The following NRXN3 variants were observed in gnomAD, a reference collection of about 807,000 sequenced individuals.
NRXN3 encodes the protein neurexin III.
In NRXN3, 32 loss-of-function variants were observed where a neutral mutation model predicts 137.6. The ratio of observed to expected loss-of-function variants is 0.23; its 90% CI spans 0.18 to 0.31. The LOEUF (loss-of-function observed/expected upper bound fraction) is 0.31. Ranked by LOEUF, NRXN3 falls within the 10% of genes least tolerant of loss-of-function variation. The pLI is 1.00. For synonymous variants in NRXN3, 798 were observed against 784.5 expected (o/e 1.02, Z -0.29); for missense variants, 1,574 against 2,062.5 (o/e 0.76, Z 4.59).
chr14:79,110,762 T>TTTATTTA (rs56942111), intron 15 of NRXN3, among the ~76,000 whole-genome samples: 9 of 139,110 alleles, frequency 6.5e-5, no homozygotes, highest in African/African-American at 2.4e-4. Context: ...GAAATTATTA[T>TTTATTTA]TTTATTTATT....
intron 1 of NRXN3, among the ~76,000 whole-genome samples, chr14:78,216,175 A>G (rs1247431859): frequency 6.6e-6 from 1 of 151,096 alleles, no homozygotes. Flanking sequence ...TATAAAAGTA[A>G]TTATATTCAA....
At chr14:78,302,526 C>T (rs2076975696) in intron 4 of NRXN3, among the ~76,000 whole-genome samples, 1 of 152,196 alleles carries the variant, frequency 6.6e-6, no homozygotes, top group African/African-American at 2.4e-5. Flanking sequence ...TTCCCGGATA[C>T]AAGGGTGACC....
At chr14:78,650,858 G>A (rs188037909) in intron 5 of NRXN3, among the ~76,000 whole-genome samples, 5 of 152,150 alleles carry the variant, frequency 3.3e-5, no homozygotes, top group African/African-American at 4.8e-5. Context: ...AAGTGATATC[G>A]TCTGAGGATG....
At chr14:79,460,750 G>A (rs1482968193) in intron 15 of NRXN3, among the ~76,000 whole-genome samples, 4 of 152,186 alleles carry the variant, frequency 2.6e-5, no homozygotes, top group African/African-American at 9.6e-5. Context: ...CACCTTGCTT[G>A]AGCATTGTCT....
At chr14:79,593,258 C>T (rs1215724469) in intron 16 of NRXN3, among the ~76,000 whole-genome samples, 1 of 152,050 alleles carries the variant, frequency 6.6e-6, no homozygotes, top group Admixed American at 6.6e-5. Context: ...GAAAATAAAA[C>T]TCTATAATTT....
intron 4 of NRXN3, among the ~76,000 whole-genome samples, chr14:78,394,904 G>T (rs34783487): frequency 0.072 from 10,896 of 151,632 alleles, 549 homozygotes; most frequent in Admixed American, 0.14. Context: ...ATGTTCGGGG[G>T]CTGTAGTGAT....
chr14:78,470,908 C>T (rs1049760608), intron 4 of NRXN3, among the ~76,000 whole-genome samples: 1 of 152,150 alleles, frequency 6.6e-6, no homozygotes, highest in South Asian at 2.1e-4. Flanking sequence ...TGACAGCAAC[C>T]TTCCGAAGGT....
At chr14:79,051,741 A>C (rs1367833217) in intron 15 of NRXN3, among the ~76,000 whole-genome samples, 1 of 152,216 alleles carries the variant, frequency 6.6e-6, no homozygotes, top group Non-Finnish European at 1.5e-5. Flanking sequence ...GTAATTCTCA[A>C]GGAAGGGCAA....
At position 78,966,366 on chromosome 14, in the gene NRXN3, G is replaced by A; in HGVS notation, c.2737G>A (p.Gly913Ser). ...AGATGGCTTCATTCTCTTCAATAGT[G>A]GTGATGGCAATGACTTCATTGCAGT... ...SPDGFILFNSGDGNDFIAVEL... is the reference protein window; with the variant it reads ...SPDGFILFNSSDGNDFIAVEL... Residue 913 changes from glycine to serine, a missense_variant, in exon 12 of 21, where the codon GGT (glycine) becomes AGT (serine). Gly to Ser is a moderately conservative substitution (Grantham distance 56). Around this residue, in one of 5 missense-constraint regions of NRXN3, gnomAD observed 718 missense variants for 887.6 expected, o/e 0.81. Coordinates refer to ENST00000335750, the MANE Select transcript of NRXN3 (RefSeq NM_001330195.2). 6.2e-7 allele frequency: 1 copy of A among 1,614,080 alleles called. No individual in the cohort carries two copies. Among genetic ancestry groups the A allele is most frequent in the Non-Finnish European group, 8.5e-7 (1 of 1,179,962 alleles).
chr14:78,494,156 T>G (rs1299822303), intron 4 of NRXN3, among the ~76,000 whole-genome samples: 1 of 152,192 alleles, frequency 6.6e-6, no homozygotes, highest in East Asian at 1.9e-4. Flanking sequence ...GCTGTACTTT[T>G]TGAGATATTA....
intron 15 of NRXN3, among the ~76,000 whole-genome samples, chr14:79,355,081 G>T (rs1031616130): frequency 3.9e-5 from 6 of 152,248 alleles, no homozygotes; most frequent in Admixed American, 6.5e-5. Flanking sequence ...TTTGCCAAAG[G>T]GGGGTGACAA....
In NRXN3 at chr14:78,695,688, T is replaced by C. The variant is rs529121722; in HGVS notation, c.1222-13529T>C. On this transcript the variant is annotated intron_variant, in intron 6 of 20. Transcript: ENST00000335750. ...CCACTGTCTGGCTGTTGTGGGTAGATTGTGGTCCATCTCTGTAGGATAAAG... is the reference window on the plus strand; with the variant it reads ...CCACTGTCTGGCTGTTGTGGGTAGACTGTGGTCCATCTCTGTAGGATAAAG... The C allele has an allele frequency of 3.4e-4, 52 of 152,152 alleles. 1 individual carries two copies. The highest frequency in any genetic ancestry group is 1.2e-3 in the African/African-American group (49 of 41,478). The allele number at this position is 152,152 out of a possible 1,614,324, so 9.4% of individuals were successfully genotyped here.
At chr14:78,251,578 G>T (rs1218906068) in intron 2 of NRXN3, among the ~76,000 whole-genome samples, 1 of 152,124 alleles carries the variant, frequency 6.6e-6, no homozygotes, top group Non-Finnish European at 1.5e-5. Flanking sequence ...CTTCTAACCA[G>T]TGACCATTCA....
chr14:78,663,704 A>AT (rs925484854), intron 6 of NRXN3, among the ~76,000 whole-genome samples: 10 of 151,208 alleles, frequency 6.6e-5, no homozygotes, highest in South Asian at 4.2e-4. Flanking sequence ...TTAGCTTTGC[A>AT]TTTTTTTTTC....
chr14:79,505,696 C>T (rs1567321253), intron 16 of NRXN3, among the ~76,000 whole-genome samples: 4 of 152,306 alleles, frequency 2.6e-5, no homozygotes, highest in African/African-American at 7.2e-5. Flanking sequence ...GTTGCAAATG[C>T]TCTTTATGCA....
At chr14:79,282,361 G>A (rs1196286241) in intron 15 of NRXN3, among the ~76,000 whole-genome samples, 1 of 152,060 alleles carries the variant, frequency 6.6e-6, no homozygotes, top group East Asian at 1.9e-4. Context: ...GGGAGAGGAA[G>A]ATTATGCATT....
intron 8 of NRXN3, among the ~76,000 whole-genome samples, chr14:78,769,662 C>T (rs184079623): frequency 4.4e-4 from 67 of 152,240 alleles, no homozygotes; most frequent in Non-Finnish European, 4.9e-4. Context: ...AAGACTCTGA[C>T]GAGGATCGAG....
At chr14:79,659,861 C>T (rs72696785) in intron 16 of NRXN3, among the ~76,000 whole-genome samples, 2,841 of 152,260 alleles carry the variant, frequency 0.019, 46 homozygotes, top group Non-Finnish European at 0.032. Context: ...AACAGTTTCT[C>T]CAAAAATCAG....
intron 15 of NRXN3, among the ~76,000 whole-genome samples, chr14:79,131,321 G>A (rs1432897554): frequency 3.3e-5 from 5 of 151,916 alleles, no homozygotes; most frequent in Non-Finnish European, 7.4e-5. Context: ...ATCTACTTTT[G>A]GTCTTTGATG....
Sources: allele counts gnomAD v4.1 joint callset (sites outside exome capture counted in the v4.1 genomes callset), GRCh38; gene constraint gnomAD v4.1.1; regional missense constraint gnomAD v4.1.1; transcripts MANE v1.5; gene names NCBI Gene and HGNC (gene_info 2026-07-23, HGNC 2026-07-21).